The following F13A1 variants were observed in gnomAD, a reference collection of about 807,000 sequenced individuals.
F13A1 encodes coagulation factor XIII A chain, also known as FSF, A subunit.
F13A1 carries 47 observed loss-of-function variants against 80.1 expected under a neutral mutation model. The observed-to-expected ratio is 0.59, with a 90% CI of 0.46 to 0.75. F13A1 has a LOEUF of 0.75. Among genes scored for constraint, F13A1 ranks in the 30% least tolerant of loss-of-function variants. F13A1 has a pLI of 0.00. For synonymous variants in F13A1, 349 were observed against 344.9 expected (o/e 1.01, Z -0.13); for missense variants, 817 against 930.4 (o/e 0.88, Z 1.59).
intron 5 of F13A1, 105 bp from the exon 6 acceptor site, chr6:6,248,524 G>T: frequency 1.2e-6 from 1 of 844,944 alleles, no homozygotes; most frequent in Non-Finnish European, 1.9e-6. Context: ...TTAGAAATGT[G>T]TGTTTCCTGT....
chr6:6,305,448 C>T lies in F13A1; in HGVS notation c.222G>A (p.Lys74=), dbSNP rs1450562863. Reference sequence around the variant, plus strand: ...AAGACTGCCCTCTGCGGACAATCAGCTTGTTGTTTTCATACTTGTCAGTGT... The same window carrying T: ...AAGACTGCCCTCTGCGGACAATCAGTTTGTTGTTTTCATACTTGTCAGTGT... ...DHHTDKYENN[K]LIVRRGQSFY... The change falls in exon 3 of 15, where the codon AAG becomes AAA. Residue 74 remains lysine, a synonymous_variant. Transcript: ENST00000264870. The T allele has an allele frequency of 1.9e-6, 3 of 1,614,226 alleles. No individual in the cohort carries two copies. In the Admixed American group the frequency reaches 5.0e-5, roughly 27 times the overall value.
intron 2 of F13A1, among the ~76,000 whole-genome samples, chr6:6,311,237 C>G (rs965022761): frequency 3.3e-5 from 5 of 152,018 alleles, no homozygotes; most frequent in Admixed American, 6.6e-5. Flanking sequence ...AAATTTGGAG[C>G]GTAGAGTTGA....
At chr6:6,251,694 G>A (rs1039110483) in intron 4 of F13A1, among the ~76,000 whole-genome samples, 15 of 152,094 alleles carry the variant, frequency 9.9e-5, no homozygotes, top group African/African-American at 2.4e-4. Context: ...GCATCTAAGC[G>A]TTTTTACACG....
intron 11 of F13A1, among the ~76,000 whole-genome samples, chr6:6,179,127 A>G (rs1190514650): frequency 1.3e-5 from 2 of 152,212 alleles, no homozygotes; most frequent in African/African-American, 4.8e-5. Context: ...GCTGATTGGA[A>G]GGAGAAAATA....
At chr6:6,289,422 C>T (rs1758190051) in intron 3 of F13A1, among the ~76,000 whole-genome samples, 1 of 151,270 alleles carries the variant, frequency 6.6e-6, no homozygotes, top group African/African-American at 2.4e-5. Flanking sequence ...TCCCATTTTA[C>T]TATGCAAATA....
rs184435837 is a variant in F13A1, at chr6:6,165,842, G to A, written c.1908+1616C>T. Among the ~76,000 whole-genome samples the A allele has an allele frequency of 2.3e-3, 343 of 152,326 alleles. 3 individuals are homozygous for A. Among genetic ancestry groups the A allele is most frequent in the Non-Finnish European group, 3.4e-3 (232 of 68,028 alleles). On this transcript the variant is annotated intron_variant, in intron 13 of 14. Transcript: ENST00000264870. Reference sequence around the variant, plus strand: ...TTGCCTGCCAACCCTGCACAGCCTCGTTTTCATTCTTTTCAGGCGTCCTGT... The same window carrying A: ...TTGCCTGCCAACCCTGCACAGCCTCATTTTCATTCTTTTCAGGCGTCCTGT...
chr6:6,177,520 G>A (rs142386177), intron 11 of F13A1, among the ~76,000 whole-genome samples: 1 of 152,288 alleles, frequency 6.6e-6, no homozygotes, highest in Non-Finnish European at 1.5e-5. Flanking sequence ...GAAGGATTGA[G>A]GTTTGGAGAA....
intron 13 of F13A1, among the ~76,000 whole-genome samples, chr6:6,164,231 G>A (rs1299682302): frequency 3.3e-5 from 5 of 152,104 alleles, no homozygotes; most frequent in African/African-American, 4.8e-5. Context: ...AACTAATGCA[G>A]GAACAGAAAA....
rs549621447 is a variant in F13A1, at chr6:6,212,726, G to A, written c.1112+9307C>T. On this transcript the variant is annotated intron_variant, in intron 8 of 14. Coordinates refer to ENST00000264870, the MANE Select transcript of F13A1 (RefSeq NM_000129.4). ...GAAGAAGGCTTCAGACAATCAAATTGCTCCGAGCTACGGGAGGACATTCAA... is the reference window on the plus strand; with the variant it reads ...GAAGAAGGCTTCAGACAATCAAATTACTCCGAGCTACGGGAGGACATTCAA... Among the ~76,000 whole-genome samples the A allele has an allele frequency of 3.9e-5, 6 of 152,082 alleles. No homozygotes were observed. In the East Asian group the frequency reaches 9.6e-4, roughly 24 times the overall value.
intron 13 of F13A1, among the ~76,000 whole-genome samples, chr6:6,160,468 C>T (rs1474551951): frequency 6.6e-6 from 1 of 151,800 alleles, no homozygotes; most frequent in African/African-American, 2.4e-5. Context: ...TCCTGAGTAG[C>T]TGGGGTTACA....
At chr6:6,317,893 A>G (rs3024321) in intron 2 of F13A1, among the ~76,000 whole-genome samples, 43,565 of 152,124 alleles carry the variant, frequency 0.29, 6,584 homozygotes, top group Non-Finnish European at 0.32. Context: ...TGGCACCTGG[A>G]CCTTGTCACC....
chr6:6,175,047 CCAGA>C (rs746622989), intron 11 of F13A1, among the ~76,000 whole-genome samples, 180 bp from the exon 12 acceptor site: 1 of 152,110 alleles, frequency 6.6e-6, no homozygotes, highest in Non-Finnish European at 1.5e-5. Context: ...AGTCAGATTG[CCAGA>C]CAGTCAGTGA....
intron 6 of F13A1, among the ~76,000 whole-genome samples, chr6:6,229,704 C>A (rs1463855744): frequency 6.6e-6 from 1 of 152,056 alleles, no homozygotes; most frequent in Non-Finnish European, 1.5e-5. Context: ...CCTGAGAGGA[C>A]CACAGACTCT....
At chr6:6,178,312 GA>G (rs1247236393) in intron 11 of F13A1, among the ~76,000 whole-genome samples, 12 of 152,282 alleles carry the variant, frequency 7.9e-5, no homozygotes, top group African/African-American at 2.6e-4. Flanking sequence ...ACTATATTAA[GA>G]GTTGTACACA....
intron 8 of F13A1, among the ~76,000 whole-genome samples, chr6:6,218,000 C>G (rs1757129112): frequency 6.6e-6 from 1 of 150,952 alleles, no homozygotes; most frequent in Non-Finnish European, 1.5e-5. Context: ...GACAAAACAA[C>G]AAAAATAAAA....
At chr6:6,208,554 CA>C (rs927461427) in intron 8 of F13A1, among the ~76,000 whole-genome samples, 2 of 152,104 alleles carry the variant, frequency 1.3e-5, no homozygotes, top group Non-Finnish European at 2.9e-5. Context: ...TGAAAAAGTT[CA>C]AAAACTCCAA....
chr6:6,207,174 T>C (rs1489749700), intron 8 of F13A1, among the ~76,000 whole-genome samples: 1 of 152,152 alleles, frequency 6.6e-6, no homozygotes, highest in African/African-American at 2.4e-5. Context: ...ACCTCCACAG[T>C]AGTCTTAAAA....
intron 12 of F13A1, among the ~76,000 whole-genome samples, chr6:6,168,955 TG>T (rs1270640419): frequency 6.6e-6 from 1 of 152,210 alleles, no homozygotes; most frequent in East Asian, 1.9e-4. Context: ...GCCTCTGTCT[TG>T]GGCAGCACTT....
Position 6,266,833 on chromosome 6 carries a change from T to C in F13A1, c.320-24A>G. On this transcript the variant is annotated intron_variant, in intron 3 of 14. Coordinates refer to ENST00000264870, the MANE Select transcript of F13A1 (RefSeq NM_000129.4). The stretch of plus-strand genomic sequence containing the variant: ...ACCTATGAGAAGAGAGAAGAAATAC[T>C]CTGTTAGGTTGATTTCACAAGCCAT... The C allele has an allele frequency of 2.5e-6, 4 of 1,614,056 alleles. No individual in the cohort carries two copies. The South Asian group carries it at 3.3e-5, about 13-fold the overall frequency.
Sources: gnomAD v4.1 joint callset for allele counts (sites outside exome capture counted in the v4.1 genomes callset) on GRCh38, gnomAD v4.1.1 for gene constraint, MANE v1.5 for transcripts, NCBI Gene and HGNC (gene_info 2026-07-23, HGNC 2026-07-21) for gene names.